Variants in DNM3 observed in about 807,000 individuals in gnomAD.
The protein encoded by DNM3 is dynamin-3.
A neutral mutation model predicts 101.6 loss-of-function variants in DNM3; 47 were observed. The observed-to-expected ratio is 0.46, with a 90% confidence interval of 0.37 to 0.59. The LOEUF is 0.59. DNM3 is among the 20% of genes least tolerant of loss of function. The probability of loss-of-function intolerance (pLI) is 0.00; values close to 1 mark genes in which losing one functional copy is unlikely to be tolerated. For missense variants in DNM3, 849 were observed against 1,085.7 expected, an observed-to-expected ratio of 0.78 and a Z score of 3.06; for synonymous variants, 385 against 387.9, an observed-to-expected ratio of 0.99 and a Z score of 0.09.
chr1:172,023,360 GA>G (rs1335882322), intron 4 of DNM3, among the ~76,000 whole-genome samples: 1 of 152,130 alleles, frequency 6.6e-6, no homozygotes, highest in Non-Finnish European at 1.5e-5. Context: ...AGGTGAAAGG[GA>G]GGTAAAATAT....
chr1:171,960,587 G>T (rs1330910180), intron 2 of DNM3, among the ~76,000 whole-genome samples: 1 of 152,140 alleles, frequency 6.6e-6, no homozygotes, highest in Non-Finnish European at 1.5e-5. Context: ...GTGGATTAAT[G>T]GGTTAATTAA....
chr1:171,879,086 A>G (rs2036033653), intron 1 of DNM3, among the ~76,000 whole-genome samples: 1 of 152,190 alleles, frequency 6.6e-6, no homozygotes, highest in African/African-American at 2.4e-5. Context: ...ATCAAAACTA[A>G]TATGCTTTTG....
Position 171,901,112 on chromosome 1 carries a change from C to CAAAAAAAAAAAAAAA in DNM3, c.162-20631_162-20617dup, listed in dbSNP as rs1243053508. 1.5e-4 allele frequency among the ~76,000 whole-genome samples: 10 copies of CAAAAAAAAAAAAAAA among 66,756 alleles called. 2 individuals are homozygous for CAAAAAAAAAAAAAAA. Among genetic ancestry groups the CAAAAAAAAAAAAAAA allele is most frequent in the Non-Finnish European group, 2.5e-4 (9 of 36,582 alleles). 43.8% of individuals were successfully genotyped at this position (66,756 alleles called of 152,430 possible). Reference sequence around the variant, plus strand: ...TGGGCGACAGAGCGAGACTCTGTCTCAAAAAAAAAAAAAAAAAAAGAAAGA... The same window carrying CAAAAAAAAAAAAAAA: ...TGGGCGACAGAGCGAGACTCTGTCTCAAAAAAAAAAAAAAAAAAAAAAAAAAAAAAAAAAGAAAGA... On this transcript the variant is annotated intron_variant, in intron 1 of 20. Coordinates refer to ENST00000627582, the MANE Select transcript of DNM3 (RefSeq NM_015569.5).
At chr1:172,048,516 A>G in intron 9 of DNM3, 96 bp from the exon 10 acceptor site, 1 of 1,404,670 alleles carries the variant, frequency 7.1e-7, no homozygotes, top group Non-Finnish European at 9.5e-7. Context: ...TACATGCTTA[A>G]TTTAAATGGA....
intron 14 of DNM3, among the ~76,000 whole-genome samples, chr1:172,185,558 C>A (rs2059493354): frequency 6.6e-6 from 1 of 152,054 alleles, no homozygotes. Flanking sequence ...TCCAAAGAGC[C>A]TCTGAGGGAA....
chr1:172,033,143 G>C lies in DNM3; in HGVS notation c.727G>C (p.Asp243His). Reference protein sequence around the residue: ...GVVNRSQKDIDGKKDIKAAML... With the variant: ...GVVNRSQKDIHGKKDIKAAML... ...GGTAAACAGAAGCCAGAAGGACATA[G>C]ATGGGAAGAAGGACATAAAGGCAGC... The change falls in exon 6 of 21, where the codon GAT (aspartate) becomes CAT (histidine). Residue 243 changes from aspartate to histidine, a missense_variant. Physicochemically the swap from Asp to His is moderately conservative, Grantham distance 81 (BLOSUM62 -1). Around this residue, in one of 5 missense-constraint regions of DNM3, gnomAD observed 388 missense variants for 483.0 expected, o/e 0.80. Transcript: ENST00000627582. The C allele has an allele frequency of 6.2e-7, 1 of 1,612,614 alleles. No homozygotes were observed. Among genetic ancestry groups the C allele is most frequent in the Admixed American group, 1.7e-5 (1 of 59,752 alleles).
At chr1:172,223,334 C>T (rs1471340387) in intron 14 of DNM3, among the ~76,000 whole-genome samples, 4 of 149,982 alleles carry the variant, frequency 2.7e-5, no homozygotes, top group Non-Finnish European at 5.9e-5. Flanking sequence ...ATGGTACCAC[C>T]TCTCCAGGCA....
chr1:172,081,403 G>C (rs985175021), intron 11 of DNM3, among the ~76,000 whole-genome samples: 13 of 152,204 alleles, frequency 8.5e-5, no homozygotes, highest in African/African-American at 3.1e-4. Flanking sequence ...GAAAAAAAGA[G>C]GTGAATTACT....
chr1:172,049,548 T>G (rs2050057301), intron 10 of DNM3, among the ~76,000 whole-genome samples: 1 of 152,178 alleles, frequency 6.6e-6, no homozygotes, highest in Non-Finnish European at 1.5e-5. Flanking sequence ...CTGAGGAATA[T>G]GGAGAACATG....
intron 17 of DNM3, among the ~76,000 whole-genome samples, chr1:172,325,314 G>A (rs540061649): frequency 6.6e-6 from 1 of 152,266 alleles, no homozygotes; most frequent in East Asian, 1.9e-4. Context: ...ACAGCTTTGG[G>A]TGCTCCTTAG....
At chr1:172,318,435 G>A (rs111313841) in intron 16 of DNM3, among the ~76,000 whole-genome samples, 26 of 152,266 alleles carry the variant, frequency 1.7e-4, no homozygotes, top group African/African-American at 5.8e-4. Flanking sequence ...TAGGAAAAGA[G>A]GAAGCCAAAT....
chr1:172,371,519 A>G (rs1331665331), intron 17 of DNM3, among the ~76,000 whole-genome samples: 1 of 151,940 alleles, frequency 6.6e-6, no homozygotes, highest in African/African-American at 2.4e-5. Context: ...TTTGAGCACT[A>G]CTATATGTCT....
intron 2 of DNM3, among the ~76,000 whole-genome samples, chr1:171,960,538 G>C (rs1378472566): frequency 6.6e-6 from 1 of 152,172 alleles, no homozygotes; most frequent in Non-Finnish European, 1.5e-5. Context: ...GATCTTGAAG[G>C]CTCTGCCATC....
At chr1:172,116,496 G>C (rs1011858116) in intron 13 of DNM3, among the ~76,000 whole-genome samples, 1 of 152,204 alleles carries the variant, frequency 6.6e-6, no homozygotes, top group African/African-American at 2.4e-5. Context: ...AGCATGGAGT[G>C]GACAGGTGGT....
At chr1:171,909,307 C>T (rs1458290694) in intron 1 of DNM3, among the ~76,000 whole-genome samples, 3 of 151,922 alleles carry the variant, frequency 2.0e-5, no homozygotes, top group Admixed American at 6.6e-5. Flanking sequence ...GTGCTGCATG[C>T]CTGTAATCCC....
At chr1:172,042,285 C>T (rs1489175479) in intron 8 of DNM3, 141 bp downstream of exon 8, 1 of 787,398 alleles carries the variant, frequency 1.3e-6, no homozygotes, top group African/African-American at 1.8e-5. Context: ...TAATGAAATT[C>T]AGGAGAGGAA....
At chr1:172,269,016 G>A (rs10911448) in intron 15 of DNM3, among the ~76,000 whole-genome samples, 1,859 of 152,256 alleles carry the variant, frequency 0.012, 37 homozygotes, top group African/African-American at 0.042. Flanking sequence ...CAAATAGATT[G>A]ATAGGATAGA....
intron 15 of DNM3, among the ~76,000 whole-genome samples, chr1:172,257,354 G>C (rs1223195444): frequency 6.6e-6 from 1 of 152,062 alleles, no homozygotes; most frequent in Non-Finnish European, 1.5e-5. Flanking sequence ...TATCACATGA[G>C]CATTAAAAAG....
At chr1:172,390,107 A>T (rs2069439345) in intron 20 of DNM3, among the ~76,000 whole-genome samples, 1 of 152,230 alleles carries the variant, frequency 6.6e-6, no homozygotes, top group Non-Finnish European at 1.5e-5. Context: ...AAGAGGATAT[A>T]TACACACTCT....
Sources: gnomAD v4.1 joint callset for allele counts (sites outside exome capture counted in the v4.1 genomes callset) on GRCh38, gnomAD v4.1.1 for gene constraint, gnomAD v4.1.1 regional missense constraint, MANE v1.5 for transcripts, NCBI Gene and HGNC (gene_info 2026-07-23, HGNC 2026-07-21) for gene names.